The following TTC27 variants were observed in gnomAD, a reference collection of about 807,000 sequenced individuals.
TTC27 encodes the protein tetratricopeptide repeat protein 27.
Under a neutral mutation model 115.9 loss-of-function variants are expected in TTC27, and 79 were observed. The ratio of observed to expected loss-of-function variants is 0.68; its 90% confidence interval spans 0.57 to 0.82. The LOEUF is 0.82. Among genes scored for constraint, TTC27 ranks in the 40% least tolerant of loss-of-function variants. The probability of loss-of-function intolerance (pLI) is 0.00; values close to 1 mark genes in which losing one functional copy is unlikely to be tolerated. For missense variants in TTC27, 1,054 were observed against 993.1 expected (o/e 1.06, Z -0.82); for synonymous variants, 401 against 356.0 (o/e 1.13, Z -1.42).
At chr2:32,771,967 A>C (rs112071209) in intron 13 of TTC27, among the ~76,000 whole-genome samples, 3 of 152,342 alleles carry the variant, frequency 2.0e-5, no homozygotes, top group African/African-American at 7.2e-5. Context: ...ACAGTTGATC[A>C]TATGAGGGAA....
chr2:32,740,183 G>A (rs564950869), intron 12 of TTC27, among the ~76,000 whole-genome samples: 2 of 152,278 alleles, frequency 1.3e-5, no homozygotes, highest in East Asian at 3.9e-4. Flanking sequence ...TTCTTATTTT[G>A]TTGAGCAAAT....
chr2:32,723,598 G>A (rs1263898151), intron 10 of TTC27, among the ~76,000 whole-genome samples: 1 of 151,848 alleles, frequency 6.6e-6, no homozygotes, highest in Non-Finnish European at 1.5e-5. Flanking sequence ...ACTCTCTGGG[G>A]CCAATTGAAA....
At chr2:32,729,869 T>C (rs1668234709) in intron 10 of TTC27, among the ~76,000 whole-genome samples, 1 of 152,158 alleles carries the variant, frequency 6.6e-6, no homozygotes, top group African/African-American at 2.4e-5. Context: ...CACCTCCTCA[T>C]ACCACTTTTT....
At chr2:32,805,098 C>T (rs1490747425) in intron 16 of TTC27, among the ~76,000 whole-genome samples, 1 of 152,180 alleles carries the variant, frequency 6.6e-6, no homozygotes, top group Non-Finnish European at 1.5e-5. Flanking sequence ...TGCTTGATAA[C>T]AGGATCCAGG....
At chr2:32,658,091 G>A (rs1295992213) in intron 5 of TTC27, among the ~76,000 whole-genome samples, 2 of 152,164 alleles carry the variant, frequency 1.3e-5, no homozygotes, top group Non-Finnish European at 2.9e-5. Flanking sequence ...GCCTCCCAAA[G>A]TGCTGGGATT....
chr2:32,662,920 A>C lies in TTC27; in HGVS notation c.641-1383A>C, dbSNP rs72858154. 1.5e-3 allele frequency among the ~76,000 whole-genome samples: 221 copies of C among 152,272 alleles called. 1 individual carries two copies. Among genetic ancestry groups the C allele is most frequent in the African/African-American group, 4.6e-3 (190 of 41,546 alleles). On this transcript the variant is annotated intron_variant, in intron 5 of 19. Coordinates refer to ENST00000317907, the MANE Select transcript of TTC27 (RefSeq NM_017735.5). ...CTTTCTCCTATGAGCATTTAGTGTT[A>C]TAAATTTCTCTCTGAACACTGCTTT...
At chr2:32,763,378 T>C (rs544442228) in intron 13 of TTC27, among the ~76,000 whole-genome samples, 1 of 152,334 alleles carries the variant, frequency 6.6e-6, no homozygotes, top group South Asian at 2.1e-4. Flanking sequence ...TTTAAAAAAA[T>C]TCTATCCTCT....
chr2:32,819,483 C>CT (rs571881145), intron 19 of TTC27, among the ~76,000 whole-genome samples: 201 of 152,228 alleles, frequency 1.3e-3, no homozygotes, highest in Non-Finnish European at 2.6e-3. Context: ...AAAAAAGTCA[C>CT]TTTTTTAGAA....
intron 10 of TTC27, among the ~76,000 whole-genome samples, chr2:32,723,810 CTT>C (rs1422353859): frequency 6.9e-6 from 1 of 144,816 alleles, no homozygotes; most frequent in Non-Finnish European, 1.5e-5. Flanking sequence ...CTCTTTCTCT[CTT>C]TCTTTCTTCC....
chr2:32,778,128 T>C (rs1315190383), intron 14 of TTC27, 148 bp downstream of exon 14: 5 of 601,632 alleles, frequency 8.3e-6, no homozygotes, highest in Non-Finnish European at 1.4e-5. Flanking sequence ...ATAGGATTTA[T>C]AAATCTGGAA....
At chr2:32,732,165 A>G (rs191072690) in intron 10 of TTC27, among the ~76,000 whole-genome samples, 3 of 152,204 alleles carry the variant, frequency 2.0e-5, no homozygotes, top group African/African-American at 7.2e-5. Context: ...TTGTAACCAT[A>G]TGTATGCAGC....
At chr2:32,763,159 T>A (rs1190921191) in intron 13 of TTC27, among the ~76,000 whole-genome samples, 1 of 152,236 alleles carries the variant, frequency 6.6e-6, no homozygotes, top group Non-Finnish European at 1.5e-5. Context: ...GAGCTTCTCA[T>A]ATGGATCCAA....
chr2:32,791,141 A>C (rs1384688575), intron 16 of TTC27, among the ~76,000 whole-genome samples: 1 of 152,172 alleles, frequency 6.6e-6, no homozygotes, highest in Non-Finnish European at 1.5e-5. Flanking sequence ...GTTCCTACAT[A>C]ATTAGTTCCT....
chr2:32,742,042 A>G (rs549167474), intron 12 of TTC27, among the ~76,000 whole-genome samples: 3 of 152,342 alleles, frequency 2.0e-5, no homozygotes, highest in African/African-American at 7.2e-5. Flanking sequence ...CCTTATATGT[A>G]CTGCATTCTT....
intron 15 of TTC27, among the ~76,000 whole-genome samples, chr2:32,783,274 C>T (rs1027087264): frequency 2.0e-5 from 3 of 152,048 alleles, no homozygotes; most frequent in African/African-American, 7.2e-5. Flanking sequence ...TCATGTCATC[C>T]TGGATCAGAA....
At chr2:32,673,542 A>C (rs1454961089) in intron 8 of TTC27, among the ~76,000 whole-genome samples, 1 of 152,068 alleles carries the variant, frequency 6.6e-6, no homozygotes, top group East Asian at 1.9e-4. Flanking sequence ...ATGCGTTTTT[A>C]GCTGGGATGT....
intron 15 of TTC27, among the ~76,000 whole-genome samples, chr2:32,783,154 T>A (rs1440154825): frequency 6.6e-6 from 1 of 152,174 alleles, no homozygotes. Flanking sequence ...CTGTGGCAAA[T>A]ACCAAATGAG....
chr2:32,647,446 G>A (rs748166195), intron 4 of TTC27, among the ~76,000 whole-genome samples: 3 of 152,108 alleles, frequency 2.0e-5, no homozygotes, highest in Admixed American at 6.5e-5. Flanking sequence ...AGGGAATTCA[G>A]TTAAAAACTG....
intron 12 of TTC27, among the ~76,000 whole-genome samples, chr2:32,737,252 G>T (rs1050694016): frequency 1.3e-5 from 2 of 152,172 alleles, no homozygotes; most frequent in Non-Finnish European, 2.9e-5. Flanking sequence ...TGTCAAGTGT[G>T]TAATGCACAT....
Sources: gnomAD v4.1 joint callset for allele counts (sites outside exome capture counted in the v4.1 genomes callset) on GRCh38, gnomAD v4.1.1 for gene constraint, MANE v1.5 for transcripts, NCBI Gene and HGNC (gene_info 2026-07-23, HGNC 2026-07-21) for gene names.